The following SGCZ variants were observed in gnomAD, a reference collection of about 807,000 sequenced individuals.
SGCZ encodes the protein sarcoglycan zeta, also known as zeta-sarcoglycan.
SGCZ carries 40 observed loss-of-function variants against 41.3 expected under a neutral mutation model. The ratio of observed to expected loss-of-function variants is 0.97; its 90% CI spans 0.75 to 1.26. The LOEUF (loss-of-function observed/expected upper bound fraction) is 1.26, where lower values mean the gene tolerates loss of function less well. SGCZ is among the 50% of genes most tolerant of loss of function. The pLI is 0.00. For synonymous variants in SGCZ, 206 were observed against 137.5 expected (o/e 1.50, Z -3.49); for missense variants, 552 against 369.8 (o/e 1.49, Z -4.04).
chr8:14,923,999 T>G (rs1799668554), intron 1 of SGCZ, among the ~76,000 whole-genome samples: 1 of 152,090 alleles, frequency 6.6e-6, no homozygotes, highest in Non-Finnish European at 1.5e-5. Flanking sequence ...CTGTCATAAA[T>G]TACTCCCAGG....
At chr8:14,391,064 CAA>C (rs1804752670) in intron 2 of SGCZ, among the ~76,000 whole-genome samples, 1 of 152,040 alleles carries the variant, frequency 6.6e-6, no homozygotes, top group Non-Finnish European at 1.5e-5. Flanking sequence ...ACTCCTATCT[CAA>C]ACACAACTCC....
Position 14,131,424 on chromosome 8 carries a change from C to G in SGCZ, c.548-23189G>C, listed in dbSNP as rs115257401. ...GACAAGTTGTTGTTGTTTTTGTTCT[C>G]CATAGAACTTTTAGCAATTTCTGTA... On this transcript the variant is annotated intron_variant, in intron 5 of 7. Transcript: ENST00000382080. 8.4e-3 allele frequency among the ~76,000 whole-genome samples: 1,272 copies of G among 152,254 alleles called. 22 individuals carry two copies. Among genetic ancestry groups the G allele is most frequent in the African/African-American group, 0.029 (1,213 of 41,546 alleles).
chr8:14,428,544 A>G (rs150178380), intron 2 of SGCZ, among the ~76,000 whole-genome samples: 67 of 152,352 alleles, frequency 4.4e-4, no homozygotes, highest in Middle Eastern at 3.4e-3. Context: ...ATTGGTTATG[A>G]CCATCATATC....
At chr8:14,450,219 G>A (rs1800552109) in intron 2 of SGCZ, among the ~76,000 whole-genome samples, 1 of 152,142 alleles carries the variant, frequency 6.6e-6, no homozygotes, top group Admixed American at 6.6e-5. Context: ...GGTCTCTACT[G>A]ACAACTTAAT....
intron 5 of SGCZ, among the ~76,000 whole-genome samples, chr8:14,131,795 C>T (rs1398348987): frequency 2.0e-5 from 3 of 152,106 alleles, no homozygotes; most frequent in African/African-American, 4.8e-5. Context: ...TTTTATAGTA[C>T]ATTTTCTATG....
intron 1 of SGCZ, among the ~76,000 whole-genome samples, chr8:14,985,027 C>T (rs547786684): frequency 4.2e-4 from 64 of 152,160 alleles, no homozygotes; most frequent in Non-Finnish European, 6.9e-4. Flanking sequence ...ATTAAACTGA[C>T]GGTACCCTGA....
intron 4 of SGCZ, among the ~76,000 whole-genome samples, chr8:14,186,508 G>A (rs1312478530): frequency 1.3e-5 from 2 of 152,062 alleles, no homozygotes; most frequent in Non-Finnish European, 2.9e-5. Flanking sequence ...TAGGATGGAG[G>A]GTCCAGGCCA....
intron 4 of SGCZ, among the ~76,000 whole-genome samples, chr8:14,212,053 T>C (rs888731498): frequency 3.3e-4 from 50 of 152,236 alleles, no homozygotes; most frequent in Non-Finnish European, 8.8e-5. Flanking sequence ...TTCTGTATGA[T>C]TTTGAGTTCT....
At chr8:14,334,428 C>T (rs1310452494) in intron 2 of SGCZ, among the ~76,000 whole-genome samples, 3 of 152,058 alleles carry the variant, frequency 2.0e-5, no homozygotes, top group Admixed American at 6.6e-5. Flanking sequence ...TAGTTAGCTA[C>T]TCATCCAGAA....
intron 1 of SGCZ, among the ~76,000 whole-genome samples, chr8:15,171,890 C>T (rs1385380003): frequency 6.6e-6 from 1 of 152,100 alleles, no homozygotes; most frequent in African/African-American, 2.4e-5. Flanking sequence ...ACCTAAATGG[C>T]TTGTAACCTA....
In SGCZ at chr8:14,485,339, C is replaced by A. The variant is rs143415456; in HGVS notation, c.234+69393G>T. Among the ~76,000 whole-genome samples, 40 of 152,236 alleles carry A rather than the reference C, an allele frequency of 2.6e-4. 1 individual carries two copies. In the East Asian group the frequency reaches 7.4e-3, roughly 28 times the overall value. On this transcript the variant is annotated intron_variant, in intron 2 of 7. Coordinates refer to ENST00000382080, the MANE Select transcript of SGCZ (RefSeq NM_139167.4). The stretch of plus-strand genomic sequence containing the variant: ...GCAACCTTGGCCTCCTGGGTTCAAG[C>A]GATTCTCCCGCCTCAGCCTCCCGAG...
At chr8:15,002,757 G>A (rs545912647) in intron 1 of SGCZ, among the ~76,000 whole-genome samples, 9 of 152,150 alleles carry the variant, frequency 5.9e-5, no homozygotes, top group African/African-American at 2.2e-4. Flanking sequence ...ATATTCTTTT[G>A]TAACTCAGAA....
chr8:14,832,950 T>G (rs929580596), intron 1 of SGCZ, among the ~76,000 whole-genome samples: 3 of 152,146 alleles, frequency 2.0e-5, no homozygotes, highest in African/African-American at 7.2e-5. Context: ...TCAATTACCA[T>G]GAATTTTAAA....
chr8:14,180,230 C>T (rs1247938169), intron 4 of SGCZ, among the ~76,000 whole-genome samples: 1 of 152,166 alleles, frequency 6.6e-6, no homozygotes, highest in Non-Finnish European at 1.5e-5. Flanking sequence ...TTGAAGGCCT[C>T]CTAGCCAAGC....
intron 1 of SGCZ, among the ~76,000 whole-genome samples, chr8:15,115,175 T>A (rs1051086904): frequency 1.3e-5 from 2 of 152,148 alleles, no homozygotes; most frequent in Admixed American, 1.3e-4. Context: ...CAGGCACCCT[T>A]CCTCTATCTT....
intron 2 of SGCZ, among the ~76,000 whole-genome samples, chr8:14,363,764 C>T (rs1803607723): frequency 6.6e-6 from 1 of 152,120 alleles, no homozygotes; most frequent in Non-Finnish European, 1.5e-5. Context: ...ACTGCTTCTC[C>T]TCTTGCAACA....
intron 5 of SGCZ, among the ~76,000 whole-genome samples, chr8:14,144,730 T>C (rs1401195653): frequency 1.3e-5 from 2 of 152,164 alleles, no homozygotes; most frequent in Non-Finnish European, 2.9e-5. Context: ...GGACCTGCTG[T>C]GGGCCAGAGG....
At chr8:14,649,769 T>C (rs895895002) in intron 1 of SGCZ, among the ~76,000 whole-genome samples, 29 of 152,050 alleles carry the variant, frequency 1.9e-4, no homozygotes, top group African/African-American at 6.8e-4. Context: ...TAGTGCTTCT[T>C]TTCCAGAAGG....
intron 3 of SGCZ, among the ~76,000 whole-genome samples, chr8:14,267,944 C>A (rs894729425): frequency 6.6e-6 from 1 of 151,792 alleles, no homozygotes; most frequent in Non-Finnish European, 1.5e-5. Flanking sequence ...TAGAAAAAAT[C>A]AAATTTAGTC....
Sources: allele counts gnomAD v4.1 joint callset (sites outside exome capture counted in the v4.1 genomes callset), GRCh38; gene constraint gnomAD v4.1.1; transcripts MANE v1.5; gene names NCBI Gene and HGNC (gene_info 2026-07-23, HGNC 2026-07-21).